Variants in WDR37 observed in about 807,000 individuals in gnomAD.
WDR37 encodes the protein WD repeat domain 37.
Under a neutral mutation model 62.9 loss-of-function variants are expected in WDR37, and 19 were observed. That is an observed-to-expected ratio of 0.30 (90% confidence interval 0.21 to 0.44). The LOEUF is 0.44. WDR37 is among the 20% of genes least tolerant of loss of function. The probability of loss-of-function intolerance (pLI) is 1.00; values close to 1 mark genes in which losing one functional copy is unlikely to be tolerated. For synonymous variants in WDR37, 250 were observed against 260.9 expected (o/e 0.96, Z 0.40); for missense variants, 474 against 657.6 (o/e 0.72, Z 3.05).
At position 1,132,178 on chromosome 10, in the gene WDR37, G is replaced by A. The variant is rs1835961320; in HGVS notation, c.*2834G>A. 6.6e-6 allele frequency: 1 copy of A among 152,452 alleles called. No individual in the cohort carries two copies. Among genetic ancestry groups the A allele is most frequent in the Non-Finnish European group, 1.5e-5 (1 of 68,032 alleles). The allele number at this position is 152,452 out of a possible 1,614,324, so 9.4% of individuals were successfully genotyped here. A position where few individuals can be genotyped will look rare whatever the true frequency, so the allele number is the denominator to read the frequency against. On this transcript the variant is annotated 3_prime_UTR_variant, in exon 14 of 14. Coordinates refer to ENST00000263150, the MANE Select transcript of WDR37 (RefSeq NM_014023.4). Reference sequence around the variant, plus strand: ...ATAATTACTATTATAAAAGCTTTGTGTTATTGGGAGTCTTATTATTTTTAT... The same window carrying A: ...ATAATTACTATTATAAAAGCTTTGTATTATTGGGAGTCTTATTATTTTTAT...
At chr10:1,113,918 C>T (rs1204149352) in intron 11 of WDR37, among the ~76,000 whole-genome samples, 4 of 140,754 alleles carry the variant, frequency 2.8e-5, no homozygotes, top group Non-Finnish European at 4.6e-5. Context: ...AGGACTGACT[C>T]CAGTTTTGAG....
intron 9 of WDR37, among the ~76,000 whole-genome samples, chr10:1,096,870 G>A (rs1239516212): frequency 1.3e-5 from 2 of 152,224 alleles, no homozygotes; most frequent in Non-Finnish European, 2.9e-5. Context: ...GCTCAGAGAG[G>A]AAAGGGGAGA....
intron 1 of WDR37, among the ~76,000 whole-genome samples, chr10:1,066,849 G>A (rs944443833): frequency 6.6e-6 from 1 of 152,234 alleles, no homozygotes; most frequent in Admixed American, 6.5e-5. Flanking sequence ...AGGCAAAGAG[G>A]AGCGAGTCAC....
At chr10:1,075,076 G>A (rs540793267) in intron 2 of WDR37, among the ~76,000 whole-genome samples, 62 of 152,318 alleles carry the variant, frequency 4.1e-4, no homozygotes, top group Non-Finnish European at 6.8e-4. Context: ...TCAACAACTC[G>A]TTTGAGAGTC....
intron 11 of WDR37, among the ~76,000 whole-genome samples, chr10:1,109,524 C>T (rs928717607): frequency 3.3e-5 from 5 of 151,998 alleles, no homozygotes; most frequent in Non-Finnish European, 7.4e-5. Flanking sequence ...CCAGCTTGAC[C>T]AACATGGAGA....
intron 11 of WDR37, among the ~76,000 whole-genome samples, chr10:1,108,807 C>T (rs1835113133): frequency 6.6e-6 from 1 of 150,696 alleles, no homozygotes; most frequent in African/African-American, 2.4e-5. Context: ...CTGCCCCAGG[C>T]TGGGAAGACC....
At chr10:1,075,817 C>T (rs1043015358) in intron 2 of WDR37, among the ~76,000 whole-genome samples, 20 of 150,924 alleles carry the variant, frequency 1.3e-4, no homozygotes, top group Middle Eastern at 6.9e-3. Flanking sequence ...AGTCTCGCTC[C>T]GTTGTCCAGG....
At chr10:1,092,179 CAAA>C (rs1216415362) in intron 7 of WDR37, among the ~76,000 whole-genome samples, 2 of 68,842 alleles carry the variant, frequency 2.9e-5, no homozygotes, top group African/African-American at 5.7e-5. Context: ...GACTCCGTCT[CAAA>C]AAAAAAAAAA....
At chr10:1,106,176 C>T (rs776613152) in intron 11 of WDR37, among the ~76,000 whole-genome samples, 4 of 152,154 alleles carry the variant, frequency 2.6e-5, no homozygotes, top group Non-Finnish European at 5.9e-5. Flanking sequence ...GACCGTCTGC[C>T]CAGTCACGGG....
chr10:1,101,128 T>A (rs1418685559), intron 9 of WDR37, among the ~76,000 whole-genome samples: 1 of 152,234 alleles, frequency 6.6e-6, no homozygotes, highest in African/African-American at 2.4e-5. Flanking sequence ...CTTCCCACCC[T>A]GCTCCAGGCC....
chr10:1,123,072 G>A (rs1320409587), intron 11 of WDR37, among the ~76,000 whole-genome samples: 1 of 151,926 alleles, frequency 6.6e-6, no homozygotes, highest in African/African-American at 2.4e-5. Context: ...TTAGGGCGTG[G>A]GTCTCCCATC....
chr10:1,117,142 C>G (rs1457769203), intron 11 of WDR37, among the ~76,000 whole-genome samples: 3 of 152,176 alleles, frequency 2.0e-5, no homozygotes, highest in Non-Finnish European at 2.9e-5. Context: ...GCAATCTCGA[C>G]TTCCTGGGCT....
At chr10:1,107,845 A>AAC (rs1371620477) in intron 11 of WDR37, among the ~76,000 whole-genome samples, 1 of 151,742 alleles carries the variant, frequency 6.6e-6, no homozygotes, top group Non-Finnish European at 1.5e-5. Context: ...CTCTCTCTGA[A>AAC]ACACACGCCC....
chr10:1,065,916 T>C (rs1208828837), intron 1 of WDR37, among the ~76,000 whole-genome samples: 1 of 151,866 alleles, frequency 6.6e-6, no homozygotes, highest in Non-Finnish European at 1.5e-5. Context: ...GATGACTTAA[T>C]AGTTGACATA....
chr10:1,084,564 C>T (rs773012553), intron 6 of WDR37, 26 bp downstream of exon 6: 1 of 1,604,284 alleles, frequency 6.2e-7, no homozygotes, highest in Non-Finnish European at 8.5e-7. Context: ...ACCTGGCCAG[C>T]CTGCGGAAGC....
At chr10:1,102,161 C>A (rs966989215) in intron 9 of WDR37, among the ~76,000 whole-genome samples, 1 of 148,076 alleles carries the variant, frequency 6.8e-6, no homozygotes, top group Non-Finnish European at 1.5e-5. Flanking sequence ...TGTTGTGCGT[C>A]CCTGTGACGT....
At chr10:1,112,870 T>C (rs1190840412) in intron 11 of WDR37, among the ~76,000 whole-genome samples, 1 of 152,110 alleles carries the variant, frequency 6.6e-6, no homozygotes, top group African/African-American at 2.4e-5. Context: ...AAGGAAGCCG[T>C]CTCCATAACA....
rs1276840465 is a variant in WDR37 at position 1,086,150 on chromosome 10, G to A, written c.533-136G>A. 1.0e-5 allele frequency: 7 copies of A among 681,058 alleles called. No individual in the cohort carries two copies. The East Asian group carries it at 1.1e-4, about 11-fold the overall frequency. 42.2% of individuals were successfully genotyped at this position (681,058 alleles called of 1,614,324 possible). ...TCTTTGATCAATTGAAGCATACAGA[G>A]TAATAGAATCAAAGGTGGAAGAGAT... is the stretch of plus-strand genomic sequence containing the variant. On this transcript the variant is annotated intron_variant, in intron 6 of 13. Transcript: ENST00000263150.
At chr10:1,072,490 T>A (rs1833759993) in intron 2 of WDR37, among the ~76,000 whole-genome samples, 197 bp downstream of exon 2, 1 of 152,176 alleles carries the variant, frequency 6.6e-6, no homozygotes, top group African/African-American at 2.4e-5. Flanking sequence ...GATTTTGTAT[T>A]TTTAGTAGAG....
Sources: gnomAD v4.1 joint callset for allele counts (sites outside exome capture counted in the v4.1 genomes callset) on GRCh38, gnomAD v4.1.1 for gene constraint, MANE v1.5 for transcripts, NCBI Gene and HGNC (gene_info 2026-07-23, HGNC 2026-07-21) for gene names.